The following B3GALT1 variants were observed in gnomAD, a reference collection of about 807,000 sequenced individuals.
B3GALT1 encodes beta-1,3-galactosyltransferase 1.
A neutral mutation model predicts 23.2 loss-of-function variants in B3GALT1; 10 were observed. The ratio of observed to expected loss-of-function variants is 0.43; its 90% CI spans 0.27 to 0.73. B3GALT1 has a LOEUF of 0.73. B3GALT1 is among the 30% of genes least tolerant of loss of function. B3GALT1 has a pLI of 0.21. For synonymous variants in B3GALT1, 156 were observed against 141.5 expected, an observed-to-expected ratio of 1.10 and a Z score of -0.73; for missense variants, 299 against 405.4, an observed-to-expected ratio of 0.74 and a Z score of 2.25.
At position 167,592,201 on chromosome 2, in the gene B3GALT1, G is replaced by T. The variant is rs1684695674; in HGVS notation, c.-409-54708G>T. On this transcript the variant is annotated intron_variant, in intron 2 of 4. Coordinates refer to ENST00000392690, the MANE Select transcript of B3GALT1 (RefSeq NM_020981.4). ...TCTGGAATTCAAAGTGGAGATCTAA[G>T]ATAGCAATATCAATTTGGGAGCTTT... 2.0e-5 allele frequency among the ~76,000 whole-genome samples: 3 copies of T among 152,196 alleles called. No homozygotes were observed. The South Asian group carries it at 6.2e-4, about 31-fold the overall frequency.
intron 1 of B3GALT1, among the ~76,000 whole-genome samples, chr2:167,314,183 A>G (rs1366356083): frequency 1.3e-5 from 2 of 152,174 alleles, no homozygotes; most frequent in Admixed American, 1.3e-4. Flanking sequence ...CAGACTTAAA[A>G]TGTTGAAGAA....
intron 3 of B3GALT1, among the ~76,000 whole-genome samples, chr2:167,804,737 T>C (rs1462929200): frequency 3.9e-5 from 6 of 152,346 alleles, no homozygotes; most frequent in South Asian, 4.1e-4. Context: ...TGTTGGACAT[T>C]TGGCTTGGTT....
At chr2:167,604,084 T>G (rs1271220054) in intron 2 of B3GALT1, among the ~76,000 whole-genome samples, 1 of 152,186 alleles carries the variant, frequency 6.6e-6, no homozygotes, top group East Asian at 1.9e-4. Flanking sequence ...AATGTACTTT[T>G]TATACTAAAA....
At chr2:167,669,846 C>T (rs1449402209) in intron 3 of B3GALT1, among the ~76,000 whole-genome samples, 1 of 152,056 alleles carries the variant, frequency 6.6e-6, no homozygotes, top group East Asian at 1.9e-4. Context: ...GCCCAAGAAG[C>T]CCGCCAATTT....
At chr2:167,312,024 C>T (rs767665532) in intron 1 of B3GALT1, among the ~76,000 whole-genome samples, 30 of 151,532 alleles carry the variant, frequency 2.0e-4, no homozygotes, top group Non-Finnish European at 1.6e-4. Context: ...TAATAAAATT[C>T]CAAAAACAAA....
At position 167,873,731 on chromosome 2, in the gene B3GALT1, A is replaced by C. The variant is rs78879514; in HGVS notation, c.*3711A>C. On this transcript the variant is annotated 3_prime_UTR_variant, in exon 5 of 5. Transcript: ENST00000392690. The stretch of plus-strand genomic sequence containing the variant: ...ATTGTATTTATGTATTTATTTGTCA[A>C]AATTGTACATACTGTTTCGCCAAAA... 5.9e-5 allele frequency: 9 copies of C among 152,354 alleles called. No homozygotes were observed. In the East Asian group the frequency reaches 1.7e-3, roughly 29 times the overall value. The allele number at this position is 152,354 out of a possible 1,614,324, so 9.4% of individuals were successfully genotyped here. A position where few individuals can be genotyped will look rare whatever the true frequency, so the allele number is the denominator to read the frequency against.
intron 2 of B3GALT1, among the ~76,000 whole-genome samples, chr2:167,634,477 A>G (rs188124607): frequency 7.9e-5 from 12 of 152,272 alleles, no homozygotes; most frequent in Admixed American, 6.5e-4. Flanking sequence ...AAGAAAAGAG[A>G]GAAGAATCAA....
At chr2:167,845,524 G>T (rs545017629) in intron 4 of B3GALT1, among the ~76,000 whole-genome samples, 1 of 152,262 alleles carries the variant, frequency 6.6e-6, no homozygotes, top group Non-Finnish European at 1.5e-5. Flanking sequence ...TGGCTTGCAG[G>T]AAGCCACATG....
intron 2 of B3GALT1, among the ~76,000 whole-genome samples, chr2:167,523,520 C>T (rs117857192): frequency 4.0e-5 from 6 of 151,684 alleles, no homozygotes; most frequent in South Asian, 2.1e-4. Context: ...CCGCGTCCCA[C>T]GTTGAAGCAA....
chr2:167,551,878 C>T (rs1683754163), intron 2 of B3GALT1, among the ~76,000 whole-genome samples: 1 of 152,050 alleles, frequency 6.6e-6, no homozygotes, highest in Non-Finnish European at 1.5e-5. Context: ...CTGGAGGGGG[C>T]ATTTGAGAAG....
At position 167,614,546 on chromosome 2, in the gene B3GALT1, C is replaced by T. The variant is rs575256814; in HGVS notation, c.-409-32363C>T. On this transcript the variant is annotated intron_variant, in intron 2 of 4. Coordinates refer to ENST00000392690, the MANE Select transcript of B3GALT1 (RefSeq NM_020981.4). ...AAAATGTTTCTTAAATTCATCCAAC[C>T]AAGATCAATATTCAAGAGCAGCTAA... Among the ~76,000 whole-genome samples, 7 of 151,864 alleles carry T rather than the reference C, an allele frequency of 4.6e-5. No individual in the cohort carries two copies. The South Asian group carries it at 1.2e-3, about 27-fold the overall frequency.
intron 2 of B3GALT1, among the ~76,000 whole-genome samples, chr2:167,604,242 T>C (rs1280753875): frequency 6.6e-6 from 1 of 152,154 alleles, no homozygotes; most frequent in Non-Finnish European, 1.5e-5. Context: ...TGATGCCAAG[T>C]GTGCCATGAT....
chr2:167,384,237 GCTGT>G (rs1457252738), intron 1 of B3GALT1, among the ~76,000 whole-genome samples: 14 of 152,254 alleles, frequency 9.2e-5, no homozygotes, highest in Non-Finnish European at 1.6e-4. Flanking sequence ...GTAAAATGGT[GCTGT>G]CTAATTATCT....
At chr2:167,814,504 G>A (rs551759986) in intron 3 of B3GALT1, among the ~76,000 whole-genome samples, 29 of 152,290 alleles carry the variant, frequency 1.9e-4, no homozygotes, top group African/African-American at 6.7e-4. Flanking sequence ...GCTCACACTT[G>A]TAATCCCAGC....
At chr2:167,351,223 C>T (rs945935800) in intron 1 of B3GALT1, among the ~76,000 whole-genome samples, 8 of 149,660 alleles carry the variant, frequency 5.3e-5, no homozygotes, top group Admixed American at 1.3e-4. Context: ...GAGCCGAGAT[C>T]GCATCACTGC....
chr2:167,822,109 A>G (rs930132248), intron 4 of B3GALT1, among the ~76,000 whole-genome samples: 5 of 151,972 alleles, frequency 3.3e-5, no homozygotes, highest in African/African-American at 1.2e-4. Flanking sequence ...TCTCCCTCTA[A>G]AAACCCTGCT....
intron 1 of B3GALT1, among the ~76,000 whole-genome samples, chr2:167,435,089 T>TAGTC (rs3061434): frequency 0.084 from 12,819 of 151,990 alleles, 1,366 homozygotes; most frequent in African/African-American, 0.25. Flanking sequence ...GATTTTTTCA[T>TAGTC]AGTGGTTAAC....
intron 2 of B3GALT1, among the ~76,000 whole-genome samples, chr2:167,573,856 A>T (rs184206000): frequency 4.0e-5 from 6 of 151,792 alleles, no homozygotes; most frequent in Admixed American, 6.6e-5. Context: ...GACAAGGTGC[A>T]ATTCAAGAGA....
intron 1 of B3GALT1, among the ~76,000 whole-genome samples, chr2:167,451,943 C>T (rs112771351): frequency 8.7e-4 from 133 of 152,242 alleles, no homozygotes; most frequent in African/African-American, 2.9e-3. Context: ...TTTGCTGTGT[C>T]GTGCAGGCTG....
Sources: gnomAD v4.1 joint callset for allele counts (sites outside exome capture counted in the v4.1 genomes callset) on GRCh38, gnomAD v4.1.1 for gene constraint, MANE v1.5 for transcripts, NCBI Gene and HGNC (gene_info 2026-07-23, HGNC 2026-07-21) for gene names.